The following CUL3 variants were observed in gnomAD, a reference collection of about 807,000 sequenced individuals.
The protein encoded by CUL3 is cullin-3.
Under a neutral mutation model 89.1 loss-of-function variants are expected in CUL3, and 19 were observed. The ratio of observed to expected loss-of-function variants is 0.21; its 90% CI spans 0.15 to 0.31. CUL3 has a LOEUF of 0.31. Ranked by LOEUF, CUL3 falls within the 10% of genes least tolerant of loss-of-function variation. CUL3 has a pLI of 1.00. For synonymous variants in CUL3, 351 were observed against 308.4 expected (o/e 1.14, Z -1.45); for missense variants, 469 against 942.3 (o/e 0.50, Z 6.58).
intron 11 of CUL3, chr2:224,499,557 C>G (rs1309754261): frequency 4.5e-6 from 1 of 219,934 alleles, no homozygotes; most frequent in Non-Finnish European, 1.0e-5. Context: ...CTGATCCCAG[C>G]AGCAAGATGC....
chr2:224,500,290 C>G, intron 11 of CUL3, 73 bp downstream of exon 11: 1 of 1,524,538 alleles, frequency 6.6e-7, no homozygotes, highest in Non-Finnish European at 9.0e-7. Flanking sequence ...ATTACGGATA[C>G]TAATGTTCAA....
At chr2:224,575,916 T>G (rs997671210) in intron 1 of CUL3, among the ~76,000 whole-genome samples, 4 of 152,146 alleles carry the variant, frequency 2.6e-5, no homozygotes, top group Admixed American at 1.3e-4. Flanking sequence ...CAACACACAA[T>G]AAACGTATTT....
At chr2:224,579,632 A>G (rs1439132764) in intron 1 of CUL3, among the ~76,000 whole-genome samples, 1 of 152,230 alleles carries the variant, frequency 6.6e-6, no homozygotes, top group Admixed American at 6.5e-5. Context: ...GTTGCTGTCC[A>G]TGCTACACAA....
At position 224,472,161 on chromosome 2, in the gene CUL3, A is replaced by G; in HGVS notation, c.*2084T>C. ...TTCAGAAATGTTTTAATGTATTTAGAAGCATAAATATCAAACCTGTGCTCC... is the reference window on the plus strand; with the variant it reads ...TTCAGAAATGTTTTAATGTATTTAGGAGCATAAATATCAAACCTGTGCTCC... On this transcript the variant is annotated 3_prime_UTR_variant, in exon 16 of 16. Transcript: ENST00000264414. The G allele has an allele frequency of 4.4e-6, 1 of 227,854 alleles. No homozygotes were observed. The highest frequency in any genetic ancestry group is 5.7e-5 in the Admixed American group (1 of 17,630). The allele number at this position is 227,854 out of a possible 1,614,324, so 14.1% of individuals were successfully genotyped here.
chr2:224,486,318 A>G (rs1691720604), intron 13 of CUL3, among the ~76,000 whole-genome samples: 2 of 152,200 alleles, frequency 1.3e-5, no homozygotes, highest in South Asian at 4.1e-4. Context: ...AACTCCTCTG[A>G]GCTAAAGGAG....
At chr2:224,575,402 C>A (rs540197440) in intron 1 of CUL3, among the ~76,000 whole-genome samples, 1 of 152,046 alleles carries the variant, frequency 6.6e-6, no homozygotes, top group Non-Finnish European at 1.5e-5. Context: ...ATAGGTAGAA[C>A]GATCCAAGAT....
chr2:224,507,885 G>T (rs377365116), intron 6 of CUL3, among the ~76,000 whole-genome samples: 100 of 152,122 alleles, frequency 6.6e-4, no homozygotes, highest in African/African-American at 2.4e-3. Context: ...TTTTAAAATG[G>T]CATTAAGAGT....
intron 1 of CUL3, among the ~76,000 whole-genome samples, chr2:224,570,955 A>G (rs545277204): frequency 6.6e-6 from 1 of 152,338 alleles, no homozygotes; most frequent in East Asian, 1.9e-4. Context: ...CAATTGAGCT[A>G]AAAGTACTAA....
intron 6 of CUL3, among the ~76,000 whole-genome samples, chr2:224,510,916 A>AAACTAAT (rs1160070927): frequency 6.6e-6 from 1 of 152,170 alleles, no homozygotes; most frequent in Non-Finnish European, 1.5e-5. Context: ...CATTTTCAGC[A>AAACTAAT]CCCTGTCACA....
At chr2:224,545,941 TTCTTAGTTCA>T (rs1284658727) in intron 2 of CUL3, among the ~76,000 whole-genome samples, 1 of 152,224 alleles carries the variant, frequency 6.6e-6, no homozygotes, top group Non-Finnish European at 1.5e-5. Flanking sequence ...AAAAAAGGCA[TTCTTAGTTCA>T]AATATGCTTT....
At chr2:224,492,459 TCA>T (rs1574624092) in intron 13 of CUL3, among the ~76,000 whole-genome samples, 1 of 152,222 alleles carries the variant, frequency 6.6e-6, no homozygotes, top group African/African-American at 2.4e-5. Context: ...AATTTCAGAC[TCA>T]TTCTCATAAA....
chr2:224,569,605 C>T (rs1574705096), intron 1 of CUL3: 1 of 660,250 alleles, frequency 1.5e-6, no homozygotes, highest in African/African-American at 2.0e-5. Context: ...AAAATCTTTT[C>T]ATTTACATTA....
rs1034321687 is a variant in CUL3 at position 224,485,711 on chromosome 2, T to C, written c.1843-3633A>G. Among the ~76,000 whole-genome samples, 2 of 152,224 alleles carry C rather than the reference T, an allele frequency of 1.3e-5. No homozygotes were observed. The highest frequency in any genetic ancestry group is 4.8e-5 in the African/African-American group (2 of 41,474). On this transcript the variant is annotated intron_variant, in intron 13 of 15. Coordinates refer to ENST00000264414, the MANE Select transcript of CUL3 (RefSeq NM_003590.5). This position sits in a 1 kb window ranked among gnomAD's most constrained non-coding sequence, Gnocchi z 4.1. Reference sequence around the variant, plus strand: ...AGCAGAATTAAATGTTCTTGCCTGCTGGCTCTGAAGAGAGCAGTGGATCCC... The same window carrying C: ...AGCAGAATTAAATGTTCTTGCCTGCCGGCTCTGAAGAGAGCAGTGGATCCC...
At chr2:224,522,827 C>CAAAAAAAAAAAA (rs777324032) in intron 3 of CUL3, among the ~76,000 whole-genome samples, 4 of 147,486 alleles carry the variant, frequency 2.7e-5, no homozygotes, top group Admixed American at 6.8e-5. Context: ...GACACCGTCT[C>CAAAAAAAAAAAA]AAAAAAACAA....
At chr2:224,495,739 G>C (rs1010183720) in intron 13 of CUL3, 93 bp downstream of exon 13, 156 of 1,034,724 alleles carry the variant, frequency 1.5e-4, no homozygotes, top group Middle Eastern at 4.3e-4. Context: ...TACCCAAAGA[G>C]ACTCTCTAAA....
At chr2:224,534,764 C>G (rs777706524) in intron 3 of CUL3, among the ~76,000 whole-genome samples, 52 of 152,074 alleles carry the variant, frequency 3.4e-4, no homozygotes, top group Non-Finnish European at 1.8e-4. Flanking sequence ...GGGCAGATCA[C>G]CAGGTCAGGA....
intron 15 of CUL3, among the ~76,000 whole-genome samples, chr2:224,477,372 C>CA (rs1691361845): frequency 6.6e-6 from 1 of 152,198 alleles, no homozygotes; most frequent in Non-Finnish European, 1.5e-5. Flanking sequence ...TTGTTACACT[C>CA]ACTGTTCCTA....
At chr2:224,516,318 CTTT>C (rs68130414) in intron 3 of CUL3, among the ~76,000 whole-genome samples, 12 of 133,406 alleles carry the variant, frequency 9.0e-5, no homozygotes, top group Non-Finnish European at 4.8e-5. Context: ...TTTTTGTTTG[CTTT>C]TTTTTTTTTT....
intron 15 of CUL3, among the ~76,000 whole-genome samples, chr2:224,476,736 G>C (rs1691336989): frequency 6.6e-6 from 1 of 152,072 alleles, no homozygotes; most frequent in Non-Finnish European, 1.5e-5. Flanking sequence ...TCCTTTTCTA[G>C]AATGTGGTAT....
Sources: allele counts gnomAD v4.1 joint callset (sites outside exome capture counted in the v4.1 genomes callset), GRCh38; gene constraint gnomAD v4.1.1; non-coding constraint Gnocchi (gnomAD v3.1); transcripts MANE v1.5; gene names NCBI Gene and HGNC (gene_info 2026-07-23, HGNC 2026-07-21).